RBFOX1: variants seen among roughly 807,000 people sequenced by gnomAD.
The protein encoded by RBFOX1 is RNA binding fox-1 homolog 1.
Under a neutral mutation model 57.7 loss-of-function variants are expected in RBFOX1, and 8 were observed. That is an observed-to-expected ratio of 0.14 (90% CI 0.08 to 0.25). The LOEUF is 0.25. RBFOX1 is among the 10% of genes least tolerant of loss of function. The probability of loss-of-function intolerance (pLI) is 1.00; values close to 1 mark genes in which losing one functional copy is unlikely to be tolerated. For missense variants in RBFOX1, 611 were observed against 548.5 expected, an observed-to-expected ratio of 1.11 and a Z score of -1.14; for synonymous variants, 326 against 222.4, an observed-to-expected ratio of 1.47 and a Z score of -4.15.
At chr16:6,675,863 T>G (rs1290335307) in intron 3 of RBFOX1, among the ~76,000 whole-genome samples, 1 of 152,004 alleles carries the variant, frequency 6.6e-6, no homozygotes, top group Admixed American at 6.6e-5. Context: ...GGAGCTACAG[T>G]TCACGATGAG....
chr16:6,250,981 G>A (rs551224032), intron 1 of RBFOX1, among the ~76,000 whole-genome samples: 99 of 152,190 alleles, frequency 6.5e-4, no homozygotes, highest in East Asian at 1.9e-3. Flanking sequence ...TCCTTATGGC[G>A]TTTGAGATGG....
intron 3 of RBFOX1, among the ~76,000 whole-genome samples, chr16:5,746,554 G>T (rs1308671790): frequency 1.3e-5 from 2 of 152,120 alleles, no homozygotes; most frequent in Non-Finnish European, 2.9e-5. Flanking sequence ...CACGATATTG[G>T]TTCTTCCTAT....
chr16:7,705,463 C>T (rs1355237768), intron 14 of RBFOX1, among the ~76,000 whole-genome samples: 1 of 151,456 alleles, frequency 6.6e-6, no homozygotes, highest in Non-Finnish European at 1.5e-5. Context: ...CAAGATTGTG[C>T]CACTGCACTC....
intron 12 of RBFOX1, among the ~76,000 whole-genome samples, chr16:7,656,708 T>G (rs912731118): frequency 1.3e-5 from 2 of 152,164 alleles, no homozygotes; most frequent in African/African-American, 4.8e-5. Context: ...CACTGTTGTG[T>G]GCTGAAGAGA....
At chr16:6,939,107 G>T (rs1464159579) in intron 3 of RBFOX1, among the ~76,000 whole-genome samples, 2 of 152,040 alleles carry the variant, frequency 1.3e-5, no homozygotes, top group African/African-American at 4.8e-5. Flanking sequence ...AGAAACAGTG[G>T]CCCAGAAAAA....
chr16:5,667,498 C>T (rs2049885454), intron 3 of RBFOX1, among the ~76,000 whole-genome samples: 2 of 152,176 alleles, frequency 1.3e-5, no homozygotes, highest in Admixed American at 1.3e-4. Flanking sequence ...TTGTAGTTTT[C>T]TAGGATTGAT....
At chr16:5,896,052 G>T (rs1271883516) in intron 4 of RBFOX1, among the ~76,000 whole-genome samples, 1 of 152,066 alleles carries the variant, frequency 6.6e-6, no homozygotes, top group Non-Finnish European at 1.5e-5. Flanking sequence ...GCCTGAGAGG[G>T]GATTTTCCTT....
chr16:5,432,402 T>C (rs1308745778), intron 1 of RBFOX1, among the ~76,000 whole-genome samples: 2 of 152,178 alleles, frequency 1.3e-5, no homozygotes, highest in Admixed American at 6.5e-5. Context: ...GCCCCTGTAA[T>C]TTAACTAGAA....
intron 2 of RBFOX1, among the ~76,000 whole-genome samples, chr16:6,451,008 T>A (rs2094610104): frequency 6.7e-6 from 1 of 149,700 alleles, no homozygotes; most frequent in Non-Finnish European, 1.5e-5. Flanking sequence ...TAGTGGGTAC[T>A]GCCATAAATA....
chr16:5,535,624 A>G (rs952110512), intron 2 of RBFOX1, among the ~76,000 whole-genome samples: 8 of 152,142 alleles, frequency 5.3e-5, no homozygotes, highest in Non-Finnish European at 1.0e-4. Context: ...TTTTAGTGAA[A>G]GGTAGCCTGT....
At chr16:5,839,808 A>G (rs1392646206) in intron 3 of RBFOX1, among the ~76,000 whole-genome samples, 1 of 152,126 alleles carries the variant, frequency 6.6e-6, no homozygotes, top group Non-Finnish European at 1.5e-5. Context: ...TCTTGAGGCT[A>G]TTTTTAAATG....
At chr16:7,460,853 T>C (rs1374388023) in intron 4 of RBFOX1, among the ~76,000 whole-genome samples, 1 of 152,190 alleles carries the variant, frequency 6.6e-6, no homozygotes, top group Non-Finnish European at 1.5e-5. Context: ...TGATTTGATA[T>C]GTCTTGGGCA....
Position 6,866,541 on chromosome 16 carries a change from A to ATTTT in RBFOX1, c.-15-185501_-15-185498dup, listed in dbSNP as rs56678526. Among the ~76,000 whole-genome samples the ATTTT allele has an allele frequency of 4.2e-3, 333 of 78,854 alleles. 40 individuals carry two copies. Among genetic ancestry groups the ATTTT allele is most frequent in the African/African-American group, 0.018 (319 of 17,810 alleles). 51.7% of individuals were successfully genotyped at this position (78,854 alleles called of 152,430 possible). ...TAAGGTTAGGGCTTTCTTTCCTTCT[A>ATTTT]TTTTTTTTTTTTTTTTTTGAGTTGG... On this transcript the variant is annotated intron_variant, in intron 3 of 15. Coordinates refer to ENST00000550418, the MANE Select transcript of RBFOX1 (RefSeq NM_018723.4).
rs777768764 is a variant in RBFOX1 at position 7,630,590 on chromosome 16, C to T, written c.677-13C>T. The T allele has an allele frequency of 1.9e-6, 3 of 1,614,076 alleles. No individual in the cohort carries two copies. The highest frequency in any genetic ancestry group is 2.5e-6 in the Non-Finnish European group (3 of 1,180,028). ...TTCCCAAACCAGATACCATCTCTCT[C>T]TCTCTTTCGTAGGCACGGTCCTGTT... On this transcript the variant is annotated splice_polypyrimidine_tract_variant and intron_variant, in intron 10 of 15. Coordinates refer to ENST00000550418, the MANE Select transcript of RBFOX1 (RefSeq NM_018723.4).
At chr16:6,084,522 A>G (rs1025336316) in intron 1 of RBFOX1, among the ~76,000 whole-genome samples, 1 of 152,176 alleles carries the variant, frequency 6.6e-6, no homozygotes, top group African/African-American at 2.4e-5. Context: ...GAGATTGCAG[A>G]CAAAAACCAC....
intron 4 of RBFOX1, among the ~76,000 whole-genome samples, chr16:7,439,899 A>T (rs1425773026): frequency 6.6e-6 from 1 of 151,854 alleles, no homozygotes; most frequent in African/African-American, 2.4e-5. Flanking sequence ...TTGTATTAGC[A>T]GTCAAGGCTC....
At chr16:7,120,844 C>CACACACACACACAT (rs2067003256) in intron 4 of RBFOX1, among the ~76,000 whole-genome samples, 2 of 149,956 alleles carry the variant, frequency 1.3e-5, no homozygotes, top group Admixed American at 6.7e-5. Flanking sequence ...CACACACACA[C>CACACACACACACAT]ACACACACAC....
intron 1 of RBFOX1, among the ~76,000 whole-genome samples, chr16:5,322,647 T>A (rs1047282973): frequency 1.3e-5 from 2 of 152,162 alleles, no homozygotes; most frequent in Non-Finnish European, 2.9e-5. Context: ...GTCTTCCCCA[T>A]CCTTCAAGGG....
rs1186391315 is a variant in RBFOX1 at position 7,155,736 on chromosome 16, TATAC to T, written c.27+103640_27+103643del. Among the ~76,000 whole-genome samples the T allele has an allele frequency of 2.1e-3, 173 of 83,390 alleles. 1 individual carries two copies. The highest frequency in any genetic ancestry group is 8.8e-3 in the African/African-American group (149 of 16,966). The allele number at this position is 83,390 out of a possible 152,430, so 54.7% of individuals were successfully genotyped here. A position where few individuals can be genotyped will look rare whatever the true frequency, so the allele number is the denominator to read the frequency against. ...AAATATATATATATATATATATATATATACACACACACACACACACACACACACA... is the reference window on the plus strand; with the variant it reads ...AAATATATATATATATATATATATATACACACACACACACACACACACACA... On this transcript the variant is annotated intron_variant, in intron 4 of 15. Transcript: ENST00000550418.
Sources: gnomAD v4.1 joint callset for allele counts (sites outside exome capture counted in the v4.1 genomes callset) on GRCh38, gnomAD v4.1.1 for gene constraint, MANE v1.5 for transcripts, NCBI Gene and HGNC (gene_info 2026-07-23, HGNC 2026-07-21) for gene names.